The following LAMC3 variants were observed in gnomAD, a reference collection of about 807,000 sequenced individuals.
LAMC3 encodes the protein laminin subunit gamma 3, also known as laminin subunit gamma-3.
A neutral mutation model predicts 173.8 loss-of-function variants in LAMC3; 128 were observed. That is an observed-to-expected ratio of 0.74 (90% CI 0.64 to 0.85). The LOEUF (loss-of-function observed/expected upper bound fraction) is 0.85. Ranked by LOEUF, LAMC3 falls within the 40% of genes least tolerant of loss-of-function variation. The probability of loss-of-function intolerance (pLI) is 0.00; values close to 1 mark genes in which losing one functional copy is unlikely to be tolerated. For synonymous variants in LAMC3, 897 were observed against 909.1 expected (o/e 0.99, Z 0.24); for missense variants, 2,022 against 2,156.0 (o/e 0.94, Z 1.23).
intron 25 of LAMC3, among the ~76,000 whole-genome samples, chr9:131,086,575 C>CTTTTTTTTTTTTTTTTTTTT (rs778812487): frequency 4.3e-5 from 4 of 92,478 alleles, no homozygotes; most frequent in East Asian, 2.9e-4. Context: ...GCCTGGCTAA[C>CTTTTTTTTTTTTTTTTTTTT]TTTTTTTTTT....
intron 17 of LAMC3, among the ~76,000 whole-genome samples, chr9:131,070,101 G>T (rs779801628): frequency 6.6e-6 from 1 of 152,210 alleles, no homozygotes; most frequent in South Asian, 2.1e-4. Flanking sequence ...TCCCCACCAC[G>T]CCAGGCTGGG....
intron 20 of LAMC3, among the ~76,000 whole-genome samples, chr9:131,073,999 T>C (rs1830081667): frequency 7.0e-6 from 1 of 142,316 alleles, no homozygotes; most frequent in Admixed American, 7.6e-5. Context: ...CAGGCTGGAG[T>C]GCAGTGGCGC....
chr9:131,041,788 T>C, intron 7 of LAMC3, 53 bp downstream of exon 7: 1 of 1,484,548 alleles, frequency 6.7e-7, no homozygotes, highest in South Asian at 1.2e-5. Flanking sequence ...GGGGGCTCAC[T>C]GATGAGGCAC....
intron 19 of LAMC3, 79 bp downstream of exon 19, chr9:131,072,914 G>A (rs1382787253): frequency 5.1e-6 from 7 of 1,380,124 alleles, no homozygotes; most frequent in Non-Finnish European, 7.1e-6. Flanking sequence ...TTGACCTGGT[G>A]ACCTTGGGTA....
At chr9:131,063,800 T>C (rs1479641768) in intron 13 of LAMC3, among the ~76,000 whole-genome samples, 2 of 152,220 alleles carry the variant, frequency 1.3e-5, no homozygotes, top group African/African-American at 2.4e-5. Flanking sequence ...ATTTCTATTT[T>C]AGAATCCACA....
intron 9 of LAMC3, among the ~76,000 whole-genome samples, chr9:131,051,948 G>A (rs374962373): frequency 4.6e-5 from 7 of 152,178 alleles, no homozygotes; most frequent in South Asian, 4.1e-4. Flanking sequence ...TTGGTGGTTC[G>A]TGTCTCAGAA....
Position 131,093,711 on chromosome 9 carries a change from G to C in LAMC3, c.*1924G>C, listed in dbSNP as rs907247910. ...GGAGATAGCCTAGGGAGGGGAGCCT[G>C]AGGCTTCCGGGATAGGTTGGCTTCC... On this transcript the variant is annotated 3_prime_UTR_variant, in exon 28 of 28. Transcript: ENST00000361069. The C allele has an allele frequency of 6.6e-6, 1 of 152,288 alleles. No homozygotes were observed. Among genetic ancestry groups the C allele is most frequent in the African/African-American group, 2.4e-5 (1 of 41,452 alleles). 9.4% of individuals were successfully genotyped at this position (152,288 alleles called of 1,614,324 possible). A position where few individuals can be genotyped will look rare whatever the true frequency, so the allele number is the denominator to read the frequency against.
At chr9:131,014,476 A>G (rs1833483789) in intron 1 of LAMC3, among the ~76,000 whole-genome samples, 2 of 152,228 alleles carry the variant, frequency 1.3e-5, no homozygotes, top group African/African-American at 4.8e-5. Flanking sequence ...CTGCCCACGC[A>G]TCCTTGCAGC....
At chr9:131,053,798 A>C (rs10793986) in intron 11 of LAMC3, among the ~76,000 whole-genome samples, 119,778 of 151,462 alleles carry the variant, frequency 0.79, 47,650 homozygotes, top group African/African-American at 0.87. Context: ...GCGCCACTGC[A>C]CTCCAGACTG....
In LAMC3 at chr9:131,049,065, C is replaced by A; in HGVS notation, c.1565C>A (p.Pro522His). 6.4e-7 allele frequency: 1 copy of A among 1,552,122 alleles called. No homozygotes were observed. Among genetic ancestry groups the A allele is most frequent in the Non-Finnish European group, 8.7e-7 (1 of 1,147,248 alleles). ...WARSVGGSEH[P>H]PQWSPNGVLL... is the part of the protein sequence containing the mutation. ...AGAAGTGTGGGGGGCTCTGAGCACC[C>A]CCCACAATGGAGCCCAAATGGGGTC... The change falls in exon 9 of 28, where the codon CCC becomes CAC. Residue 522 changes from proline (P) to histidine (H), a missense_variant. Coordinates refer to ENST00000361069, the MANE Select transcript of LAMC3 (RefSeq NM_006059.4).
intron 13 of LAMC3, among the ~76,000 whole-genome samples, chr9:131,062,021 A>G (rs1829836720): frequency 6.6e-6 from 1 of 152,158 alleles, no homozygotes; most frequent in African/African-American, 2.4e-5. Context: ...ACTGCACTCC[A>G]GCCTGGGTGA....
At chr9:131,011,244 A>T (rs147757391) in intron 1 of LAMC3, among the ~76,000 whole-genome samples, 1,919 of 152,306 alleles carry the variant, frequency 0.013, 118 homozygotes, top group Admixed American at 0.11. Flanking sequence ...TTCAATTCCC[A>T]AACACATTTG....
Position 131,032,665 on chromosome 9 carries a change from TCTCTCTCG to T in LAMC3, c.809+498_809+505del, listed in dbSNP as rs532180106. On this transcript the variant is annotated intron_variant, in intron 3 of 27. Transcript: ENST00000361069. The stretch of plus-strand genomic sequence containing the variant: ...CTCGCTCTCACTCACTCTCTCTCAC[TCTCTCTCG>T]CTCTCTCTCTCTCTGAAGGAGTTTC... Among the ~76,000 whole-genome samples, 68 of 151,988 alleles carry T rather than the reference TCTCTCTCG, an allele frequency of 4.5e-4. No individual in the cohort carries two copies. In the South Asian group the frequency reaches 0.014, roughly 31 times the overall value.
At chr9:131,019,723 T>C (rs1019955866) in intron 1 of LAMC3, among the ~76,000 whole-genome samples, 1 of 152,020 alleles carries the variant, frequency 6.6e-6, no homozygotes, top group Non-Finnish European at 1.5e-5. Context: ...AAAACCTGGG[T>C]GCCCTCCTAC....
chr9:131,049,218 A>G, intron 9 of LAMC3, 88 bp downstream of exon 9: 1 of 791,286 alleles, frequency 1.3e-6, no homozygotes, highest in Non-Finnish European at 2.2e-6. Flanking sequence ...GGCTGAAAAC[A>G]ATGCCAGTTT....
At chr9:131,040,166 A>G (rs1484150166) in intron 6 of LAMC3, among the ~76,000 whole-genome samples, 2 of 150,306 alleles carry the variant, frequency 1.3e-5, no homozygotes, top group East Asian at 3.9e-4. Context: ...AGCATGCACC[A>G]CCATGCCCAC....
chr9:131,040,656 G>A (rs903841635), intron 6 of LAMC3, among the ~76,000 whole-genome samples: 13 of 152,120 alleles, frequency 8.5e-5, no homozygotes, highest in Admixed American at 1.3e-4. Context: ...GGGTCCCTCT[G>A]TCCTCTGGAC....
chr9:131,067,601 A>G lies in LAMC3; in HGVS notation c.2593+396A>G, dbSNP rs549548973. Among the ~76,000 whole-genome samples, 53 of 152,292 alleles carry G rather than the reference A, an allele frequency of 3.5e-4. 1 individual carries two copies. In the East Asian group the frequency reaches 5.2e-3, roughly 15 times the overall value. ...CCAGAGCCCTGCAGGAGGGAAGCTCAGCCTTTGCTCCACACTGATGTGCTT... is the reference window on the plus strand; with the variant it reads ...CCAGAGCCCTGCAGGAGGGAAGCTCGGCCTTTGCTCCACACTGATGTGCTT... On this transcript the variant is annotated intron_variant, in intron 14 of 27. Coordinates refer to ENST00000361069, the MANE Select transcript of LAMC3 (RefSeq NM_006059.4).
At chr9:131,010,102 C>T (rs954800377) in intron 1 of LAMC3, among the ~76,000 whole-genome samples, 1 of 141,946 alleles carries the variant, frequency 7.0e-6, no homozygotes, top group East Asian at 2.1e-4. Context: ...TGCCGTGAGC[C>T]GAGGTCGCAC....
Sources: gnomAD v4.1 joint callset for allele counts (sites outside exome capture counted in the v4.1 genomes callset) on GRCh38, gnomAD v4.1.1 for gene constraint, MANE v1.5 for transcripts, NCBI Gene and HGNC (gene_info 2026-07-23, HGNC 2026-07-21) for gene names.